HRH2: variants seen among roughly 807,000 people sequenced by gnomAD.
HRH2 encodes histamine receptor H2.
A neutral mutation model predicts 20.1 loss-of-function variants in HRH2; 4 were observed. The ratio of observed to expected loss-of-function variants is 0.20; its 90% CI spans 0.10 to 0.45. The LOEUF (loss-of-function observed/expected upper bound fraction) is 0.45, where lower values mean the gene tolerates loss of function less well. HRH2 is among the 20% of genes least tolerant of loss of function. HRH2 has a pLI of 0.99. For missense variants in HRH2, 250 were observed against 461.6 expected, an observed-to-expected ratio of 0.54 and a Z score of 4.20; for synonymous variants, 197 against 200.7, an observed-to-expected ratio of 0.98 and a Z score of 0.16.
intron 2 of HRH2, among the ~76,000 whole-genome samples, chr5:175,690,745 G>A (rs1362088618): frequency 2.0e-5 from 3 of 152,020 alleles, no homozygotes; most frequent in Non-Finnish European, 2.9e-5. Context: ...CCTCTGAGCT[G>A]ACCCCCACAC....
chr5:175,674,024 A>G (rs1755667313), intron 1 of HRH2, among the ~76,000 whole-genome samples: 1 of 152,142 alleles, frequency 6.6e-6, no homozygotes, highest in African/African-American at 2.4e-5. Context: ...TTCTTTTTCA[A>G]TGTGAAAGAT....
chr5:175,689,526 T>TGA (rs963678418), intron 2 of HRH2, among the ~76,000 whole-genome samples: 32 of 152,294 alleles, frequency 2.1e-4, no homozygotes, highest in African/African-American at 7.0e-4. Flanking sequence ...CCAGGAACCC[T>TGA]GAGAAGTGAA....
In HRH2 at chr5:175,677,540, T is replaced by G. The variant is rs1310722273; in HGVS notation, c.-525-5169T>G. Among the ~76,000 whole-genome samples the G allele has an allele frequency of 2.0e-5, 3 of 152,220 alleles. No homozygotes were observed. The highest frequency in any genetic ancestry group is 4.4e-5 in the Non-Finnish European group (3 of 68,036). On this transcript the variant is annotated intron_variant, in intron 1 of 2. Coordinates refer to ENST00000636584, the MANE Select transcript of HRH2 (RefSeq NM_001367711.1). This position sits in a 1 kb window ranked among gnomAD's most constrained non-coding sequence, Gnocchi z 4.2. ...GCAGCTCGTATCGGGGCAGCCACTC[T>G]GGGCTTGGAGAGGCTTGTCTTCCTT... is the stretch of plus-strand genomic sequence containing the variant.
chr5:175,698,750 T>C (rs1463365331), intron 2 of HRH2, among the ~76,000 whole-genome samples: 5 of 152,198 alleles, frequency 3.3e-5, no homozygotes, highest in Non-Finnish European at 7.3e-5. Context: ...GACCCACACT[T>C]TCCCTTTGTC....
At chr5:175,703,701 T>C (rs1756859274) in intron 2 of HRH2, among the ~76,000 whole-genome samples, 1 of 152,148 alleles carries the variant, frequency 6.6e-6, no homozygotes, top group Admixed American at 6.5e-5. Context: ...GTAAAGACTA[T>C]GAATAATAAA....
chr5:175,672,847 G>A (rs2113493468), intron 1 of HRH2, among the ~76,000 whole-genome samples: 1 of 152,316 alleles, frequency 6.6e-6, no homozygotes, highest in East Asian at 1.9e-4. Context: ...GGGTCCAGGA[G>A]GCCCCTCGGC....
intron 2 of HRH2, among the ~76,000 whole-genome samples, chr5:175,701,655 CAACT>C (rs1756790568): frequency 6.6e-6 from 1 of 152,106 alleles, no homozygotes; most frequent in Non-Finnish European, 1.5e-5. Context: ...ATCCCTCAAC[CAACT>C]GTCACGTGCC....
At chr5:175,684,507 CACA>C in intron 2 of HRH2, 198 bp downstream of exon 2, 1 of 329,130 alleles carries the variant, frequency 3.0e-6, no homozygotes, top group Non-Finnish European at 4.4e-6. Flanking sequence ...TTAAAAGGAG[CACA>C]TTAAAATTCT....
chr5:175,693,802 C>T lies in HRH2; in HGVS notation c.1076+9493C>T, dbSNP rs1446821292. ...GGATGCACATGCTCTTGTTCTGCCC[C>T]GCTTTTGTTCCACCTGGTGTTCGTT... is the stretch of plus-strand genomic sequence containing the variant. On this transcript the variant is annotated intron_variant, in intron 2 of 2. Transcript: ENST00000636584. This position sits in a 1 kb window ranked among gnomAD's most constrained non-coding sequence, Gnocchi z 4.4. Among the ~76,000 whole-genome samples the T allele has an allele frequency of 1.3e-5, 2 of 152,142 alleles. No individual in the cohort carries two copies. Among genetic ancestry groups the T allele is most frequent in the African/African-American group, 2.4e-5 (1 of 41,410 alleles).
At chr5:175,688,261 G>A (rs1457629367) in intron 2 of HRH2, among the ~76,000 whole-genome samples, 2 of 152,174 alleles carry the variant, frequency 1.3e-5, no homozygotes, top group Admixed American at 6.5e-5. Context: ...GTAAGGTAAC[G>A]TTCTCAAGGG....
At chr5:175,676,410 C>T (rs1035474681) in intron 1 of HRH2, among the ~76,000 whole-genome samples, 8 of 152,228 alleles carry the variant, frequency 5.3e-5, no homozygotes, top group African/African-American at 1.7e-4. Context: ...TGTGTGGCCT[C>T]CACCCACAGC....
chr5:175,696,602 T>C (rs1213485100), intron 2 of HRH2, among the ~76,000 whole-genome samples: 1 of 152,238 alleles, frequency 6.6e-6, no homozygotes, highest in Non-Finnish European at 1.5e-5. Context: ...ATGCACACTC[T>C]TGCGGTTTTA....
rs1581436132 is a variant in HRH2 at position 175,683,446 on chromosome 5, G to A, written c.213G>A (p.Val71=). The A allele has an allele frequency of 5.0e-6, 8 of 1,614,204 alleles. No homozygotes were observed. In the East Asian group the frequency reaches 1.6e-4, roughly 31 times the overall value. The change falls in exon 2 of 3, where the codon GTG becomes GTA. Residue 71 remains valine, a synonymous_variant. Transcript: ENST00000636584. ...AITDLLLGLL[V]LPFSAIYQLS... Reference sequence around the variant, plus strand: ...CTGACCTGCTCCTCGGCCTCCTGGTGCTGCCCTTCTCTGCCATCTACCAGC... The same window carrying A: ...CTGACCTGCTCCTCGGCCTCCTGGTACTGCCCTTCTCTGCCATCTACCAGC...
chr5:175,706,902 C>T lies in HRH2; in HGVS notation c.1077-877C>T, dbSNP rs181737883. Among the ~76,000 whole-genome samples, 21 of 152,284 alleles carry T rather than the reference C, an allele frequency of 1.4e-4. 1 individual carries two copies. Among genetic ancestry groups the T allele is most frequent in the African/African-American group, 5.1e-4 (21 of 41,556 alleles). On this transcript the variant is annotated intron_variant, in intron 2 of 2. Coordinates refer to ENST00000636584, the MANE Select transcript of HRH2 (RefSeq NM_001367711.1). Reference sequence around the variant, plus strand: ...TATGTGGAAGGGGGAGGGAGCAGTACGCTTGATTCCCTTGGTGGCCGAGGT... The same window carrying T: ...TATGTGGAAGGGGGAGGGAGCAGTATGCTTGATTCCCTTGGTGGCCGAGGT...
chr5:175,704,409 C>A (rs9784750), intron 2 of HRH2, among the ~76,000 whole-genome samples: 14,555 of 151,286 alleles, frequency 0.096, 762 homozygotes, highest in African/African-American at 0.14. Flanking sequence ...TCAATCGAAG[C>A]AGAAAAAAAA....
Position 175,708,500 on chromosome 5 carries a change from C to T in HRH2, c.*529C>T, listed in dbSNP as rs1303524544. The T allele has an allele frequency of 6.6e-6, 1 of 152,314 alleles. No individual in the cohort carries two copies. Among genetic ancestry groups the T allele is most frequent in the Non-Finnish European group, 1.5e-5 (1 of 68,158 alleles). The allele number at this position is 152,314 out of a possible 1,614,324, so 9.4% of individuals were successfully genotyped here. ...TGAGCTCTCGTAACCCTTATAGCAA[C>T]ATGAGTTTAGAGCAAGAATCACACC... On this transcript the variant is annotated 3_prime_UTR_variant, in exon 3 of 3. Coordinates refer to ENST00000636584, the MANE Select transcript of HRH2 (RefSeq NM_001367711.1).
chr5:175,694,744 G>C (rs1038263746), intron 2 of HRH2, among the ~76,000 whole-genome samples: 17 of 152,284 alleles, frequency 1.1e-4, no homozygotes, highest in African/African-American at 4.1e-4. Context: ...GATGGGAAGT[G>C]GAGCATAGCC....
chr5:175,661,548 C>T (rs1334576099), intron 1 of HRH2, among the ~76,000 whole-genome samples: 1 of 152,172 alleles, frequency 6.6e-6, no homozygotes, highest in Non-Finnish European at 1.5e-5. Context: ...AAATCCACGG[C>T]CTACACTCCT....
At chr5:175,685,478 T>C (rs1483288067) in intron 2 of HRH2, 1 of 1,551,376 alleles carries the variant, frequency 6.4e-7, no homozygotes, top group Non-Finnish European at 8.7e-7. Flanking sequence ...TGTTCATTCA[T>C]TCATTTGCAA....
Sources: gnomAD v4.1 joint callset for allele counts (sites outside exome capture counted in the v4.1 genomes callset) on GRCh38, gnomAD v4.1.1 for gene constraint, Gnocchi (gnomAD v3.1) non-coding constraint, MANE v1.5 for transcripts, NCBI Gene and HGNC (gene_info 2026-07-23, HGNC 2026-07-21) for gene names.